The following SHANK2 variants were observed in gnomAD, a reference collection of about 807,000 sequenced individuals.
SHANK2 encodes SH3 and multiple ankyrin repeat domains 2.
A neutral mutation model predicts 133.7 loss-of-function variants in SHANK2; 43 were observed. The observed-to-expected ratio is 0.32, with a 90% CI of 0.25 to 0.41. The LOEUF is 0.41. Ranked by LOEUF, SHANK2 falls within the 10% of genes least tolerant of loss-of-function variation. The pLI is 1.00. For synonymous variants in SHANK2, 1,017 were observed against 952.8 expected (o/e 1.07, Z -1.24); for missense variants, 1,994 against 2,235.8 (o/e 0.89, Z 2.18).
intron 17 of SHANK2, among the ~76,000 whole-genome samples, chr11:70,642,836 TTAGA>T (rs2134164833): frequency 6.6e-6 from 1 of 152,314 alleles, no homozygotes; most frequent in African/African-American, 2.4e-5. Context: ...TTATTTCTAA[TTAGA>T]TAAAGAATAC....
intron 17 of SHANK2, among the ~76,000 whole-genome samples, chr11:70,527,775 C>T (rs1169410851): frequency 6.6e-6 from 1 of 152,234 alleles, no homozygotes; most frequent in Non-Finnish European, 1.5e-5. Context: ...ATGTGCCTGA[C>T]TCTCCTTCAG....
At chr11:70,789,555 C>T (rs1947742414) in intron 14 of SHANK2, among the ~76,000 whole-genome samples, 1 of 152,156 alleles carries the variant, frequency 6.6e-6, no homozygotes, top group Admixed American at 6.5e-5. Context: ...GCAGAGAATC[C>T]CATCAAGTCA....
intron 14 of SHANK2, among the ~76,000 whole-genome samples, chr11:70,736,437 G>A (rs1355584745): frequency 6.6e-5 from 10 of 152,170 alleles, no homozygotes; most frequent in African/African-American, 2.4e-4. Context: ...TTTCCCAGGG[G>A]GGTCTTAAAT....
Position 70,486,607 on chromosome 11 carries a change from T to A in SHANK2, c.3686A>T (p.Glu1229Val). The change falls in exon 25 of 26, where the codon GAG becomes GTG. Residue 1229 changes from glutamate to valine, a missense_variant. Physicochemically the swap from Glu to Val is moderately radical, Grantham distance 121 (BLOSUM62 -2). Coordinates refer to ENST00000601538, the MANE Select transcript of SHANK2 (RefSeq NM_012309.5). This position sits in a 1 kb window ranked among gnomAD's most constrained non-coding sequence, Gnocchi z 8.0. ...CTCCCCTTTGGGTCCCTGTTGAGACTCCTTCATGGCTCGGTCCCTTGCGGA... is the reference window on the plus strand; with the variant it reads ...CTCCCCTTTGGGTCCCTGTTGAGACACCTTCATGGCTCGGTCCCTTGCGGA... ...ALSARDRAMK[E>V]SQQGPKGEAP... 6.2e-7 allele frequency: 1 copy of A among 1,613,870 alleles called. No homozygotes were observed. The highest frequency in any genetic ancestry group is 8.5e-7 in the Non-Finnish European group (1 of 1,180,006).
intron 17 of SHANK2, chr11:70,635,370 T>C (rs543086038): frequency 6.6e-6 from 1 of 152,306 alleles, no homozygotes; most frequent in Admixed American, 6.5e-5. Flanking sequence ...GGGATAGTTA[T>C]CATTCAGGCT....
intron 14 of SHANK2, among the ~76,000 whole-genome samples, chr11:70,719,764 C>T (rs1206060902): frequency 1.3e-5 from 2 of 151,110 alleles, no homozygotes; most frequent in Non-Finnish European, 2.9e-5. Context: ...CCTGCTCCAG[C>T]ATTTGACACG....
intron 14 of SHANK2, among the ~76,000 whole-genome samples, chr11:70,785,251 G>T (rs138891856): frequency 2.6e-5 from 4 of 152,144 alleles, no homozygotes; most frequent in African/African-American, 9.6e-5. Context: ...TCCTACCCTC[G>T]TCCACACACC....
intron 17 of SHANK2, among the ~76,000 whole-genome samples, chr11:70,592,224 C>T (rs2060334114): frequency 6.6e-6 from 1 of 152,092 alleles, no homozygotes; most frequent in African/African-American, 2.4e-5. Flanking sequence ...CTTCCCTCTG[C>T]ACGCAGGGGA....
At chr11:71,227,991 A>G (rs1313859698) in intron 1 of SHANK2, among the ~76,000 whole-genome samples, 1 of 152,094 alleles carries the variant, frequency 6.6e-6, no homozygotes, top group Non-Finnish European at 1.5e-5. Context: ...GTAAAAGTCA[A>G]TGCAATTGAC....
At chr11:70,843,698 T>A (rs1948950877) in intron 11 of SHANK2, among the ~76,000 whole-genome samples, 1 of 151,842 alleles carries the variant, frequency 6.6e-6, no homozygotes, top group Non-Finnish European at 1.5e-5. Flanking sequence ...TCCAGGACTG[T>A]GAGAACATAG....
At chr11:70,566,531 A>C (rs782170308) in intron 17 of SHANK2, 1 of 152,190 alleles carries the variant, frequency 6.6e-6, no homozygotes, top group Non-Finnish European at 1.5e-5. Flanking sequence ...CATGGCTCCC[A>C]CTGTCTGAAC....
intron 3 of SHANK2, among the ~76,000 whole-genome samples, chr11:71,122,210 G>C (rs1213642827): frequency 9.2e-5 from 14 of 152,094 alleles, no homozygotes; most frequent in African/African-American, 3.4e-4. Context: ...TGTTTACTGC[G>C]GCACTATTCA....
intron 3 of SHANK2, among the ~76,000 whole-genome samples, chr11:71,144,859 C>T (rs782383860): frequency 1.2e-4 from 18 of 152,282 alleles, no homozygotes; most frequent in Non-Finnish European, 2.5e-4. Context: ...TTCTTAAGAG[C>T]GTGTGTGGTT....
chr11:70,481,059 T>A (rs532405169), intron 25 of SHANK2, among the ~76,000 whole-genome samples: 2 of 152,310 alleles, frequency 1.3e-5, no homozygotes, highest in African/African-American at 4.8e-5. Context: ...TTTCCTTCAC[T>A]TTGATCCAGT....
intron 11 of SHANK2, among the ~76,000 whole-genome samples, chr11:70,894,875 C>T (rs760934913): frequency 6.6e-6 from 1 of 152,284 alleles, no homozygotes; most frequent in Non-Finnish European, 1.5e-5. Context: ...TCACAGCAGC[C>T]GATATTTTTA....
chr11:70,683,896 G>C (rs1435611122), intron 15 of SHANK2, among the ~76,000 whole-genome samples: 1 of 151,780 alleles, frequency 6.6e-6, no homozygotes, highest in Non-Finnish European at 1.5e-5. Flanking sequence ...CGATTCTCGT[G>C]CCTCAGCCTC....
intron 14 of SHANK2, among the ~76,000 whole-genome samples, chr11:70,701,557 C>T (rs990541146): frequency 2.6e-5 from 4 of 151,770 alleles, no homozygotes; most frequent in African/African-American, 7.3e-5. Context: ...CGTGCCACCA[C>T]GCCCAGCTAA....
In SHANK2 at chr11:70,649,101, C is replaced by T. The variant is rs1302395769; in HGVS notation, c.2061+10727G>A. ...ATGGCGACGTTCATCTCCTCACTGGCCTGGCACACGTGCCATCTCCCCTTC... is the reference window on the plus strand; with the variant it reads ...ATGGCGACGTTCATCTCCTCACTGGTCTGGCACACGTGCCATCTCCCCTTC... On this transcript the variant is annotated intron_variant, in intron 17 of 25. Coordinates refer to ENST00000601538, the MANE Select transcript of SHANK2 (RefSeq NM_012309.5). 5.9e-5 allele frequency among the ~76,000 whole-genome samples: 9 copies of T among 152,288 alleles called. No individual in the cohort carries two copies. In the South Asian group the frequency reaches 1.9e-3, roughly 32 times the overall value.
At chr11:70,838,464 A>G (rs59579317) in intron 11 of SHANK2, among the ~76,000 whole-genome samples, 12,669 of 152,174 alleles carry the variant, frequency 0.083, 579 homozygotes, top group Middle Eastern at 0.18. Context: ...TAGTTTTTCA[A>G]GTAGGTAGTA....
Sources: allele counts gnomAD v4.1 joint callset (sites outside exome capture counted in the v4.1 genomes callset), GRCh38; gene constraint gnomAD v4.1.1; non-coding constraint Gnocchi (gnomAD v3.1); transcripts MANE v1.5; gene names NCBI Gene and HGNC (gene_info 2026-07-23, HGNC 2026-07-21).